TENM4: variants seen among roughly 807,000 people sequenced by gnomAD.
The protein encoded by TENM4 is teneurin-4.
A neutral mutation model predicts 243.3 loss-of-function variants in TENM4; 82 were observed. The observed-to-expected ratio is 0.34, with a 90% confidence interval of 0.28 to 0.40. The LOEUF (loss-of-function observed/expected upper bound fraction) is 0.40, where lower values mean the gene tolerates loss of function less well. Among genes scored for constraint, TENM4 ranks in the 10% least tolerant of loss-of-function variants. TENM4 has a pLI of 1.00. For synonymous variants in TENM4, 1,412 were observed against 1,456.3 expected, an observed-to-expected ratio of 0.97 and a Z score of 0.69; for missense variants, 3,138 against 3,673.3, an observed-to-expected ratio of 0.85 and a Z score of 3.77.
At chr11:79,123,832 G>A (rs765404078) in intron 4 of TENM4, among the ~76,000 whole-genome samples, 4 of 152,146 alleles carry the variant, frequency 2.6e-5, no homozygotes, top group African/African-American at 7.2e-5. Context: ...AAATAAGTTT[G>A]GGAAACATGA....
chr11:78,743,959 C>G (rs1362664567), intron 19 of TENM4, among the ~76,000 whole-genome samples: 1 of 152,070 alleles, frequency 6.6e-6, no homozygotes, highest in East Asian at 1.9e-4. Context: ...TAGTCTATGC[C>G]ATTATTGATT....
At chr11:78,928,100 A>C (rs1260942426) in intron 6 of TENM4, among the ~76,000 whole-genome samples, 2 of 152,132 alleles carry the variant, frequency 1.3e-5, no homozygotes, top group East Asian at 1.9e-4. Flanking sequence ...GCTGTCACCA[A>C]CACCACCACC....
At chr11:79,061,724 G>A (rs1175256807) in intron 6 of TENM4, among the ~76,000 whole-genome samples, 1 of 152,130 alleles carries the variant, frequency 6.6e-6, no homozygotes, top group South Asian at 2.1e-4. Flanking sequence ...GCTACAGAGG[G>A]AACTCACTGT....
chr11:78,906,410 G>A (rs1297700186), intron 6 of TENM4, among the ~76,000 whole-genome samples: 1 of 152,200 alleles, frequency 6.6e-6, no homozygotes, highest in Non-Finnish European at 1.5e-5. Flanking sequence ...GAAGACAGTA[G>A]CATCTGATGT....
chr11:78,673,768 G>T (rs1858394822), intron 30 of TENM4, among the ~76,000 whole-genome samples: 1 of 152,230 alleles, frequency 6.6e-6, no homozygotes, highest in Non-Finnish European at 1.5e-5. Context: ...TCCCAGGAAG[G>T]AGAGATGTGT....
intron 6 of TENM4, among the ~76,000 whole-genome samples, chr11:78,943,891 A>G (rs1479407236): frequency 2.6e-5 from 4 of 152,224 alleles, no homozygotes; most frequent in Admixed American, 2.0e-4. Flanking sequence ...CTGTTTGGGT[A>G]TAGCCTTTTG....
chr11:78,805,778 T>C (rs1857376461), intron 14 of TENM4, among the ~76,000 whole-genome samples: 1 of 152,202 alleles, frequency 6.6e-6, no homozygotes, highest in Non-Finnish European at 1.5e-5. Flanking sequence ...TTCATTCACT[T>C]CTGAATCTCC....
At chr11:79,412,770 C>A (rs1024085432) in intron 1 of TENM4, among the ~76,000 whole-genome samples, 2 of 152,216 alleles carry the variant, frequency 1.3e-5, no homozygotes, top group African/African-American at 2.4e-5. Context: ...TTCGTGCATG[C>A]ATCCATTCAT....
chr11:79,175,171 G>A (rs1237879875), intron 3 of TENM4, among the ~76,000 whole-genome samples: 2 of 152,142 alleles, frequency 1.3e-5, no homozygotes, highest in South Asian at 2.1e-4. Flanking sequence ...TTTTTTAGAG[G>A]TTAATTTGCC....
chr11:78,826,300 T>G (rs1160659178), intron 12 of TENM4, among the ~76,000 whole-genome samples: 3 of 152,090 alleles, frequency 2.0e-5, no homozygotes, highest in African/African-American at 7.2e-5. Flanking sequence ...TTGGTCAGGC[T>G]GGTCTTGAAC....
At chr11:79,332,645 C>A (rs2135447035) in intron 1 of TENM4, among the ~76,000 whole-genome samples, 1 of 152,278 alleles carries the variant, frequency 6.6e-6, no homozygotes, top group South Asian at 2.1e-4. Flanking sequence ...GTTTGGATAT[C>A]CAATGTTGTT....
chr11:78,688,304 C>A (rs1858736311), intron 28 of TENM4, 78 bp from the exon 29 acceptor site: 2 of 1,486,754 alleles, frequency 1.3e-6, no homozygotes, highest in East Asian at 2.3e-5. Flanking sequence ...CTACCTCATG[C>A]CATGGTTTTG....
At chr11:79,004,776 T>A (rs911160032) in intron 6 of TENM4, among the ~76,000 whole-genome samples, 1 of 151,822 alleles carries the variant, frequency 6.6e-6, no homozygotes, top group African/African-American at 2.4e-5. Flanking sequence ...GAAATTGAGA[T>A]GCAAAAAACC....
At chr11:78,990,378 C>T (rs1175807821) in intron 6 of TENM4, among the ~76,000 whole-genome samples, 1 of 152,110 alleles carries the variant, frequency 6.6e-6, no homozygotes, top group South Asian at 2.1e-4. Context: ...CCTCAAATTC[C>T]CACTGAGAAC....
chr11:79,300,806 G>A (rs1326239437), intron 1 of TENM4, among the ~76,000 whole-genome samples: 2 of 152,066 alleles, frequency 1.3e-5, no homozygotes, highest in Admixed American at 6.6e-5. Flanking sequence ...CTGCATAAGG[G>A]TTTGCTATTT....
rs1858597629 is a variant in TENM4, at chr11:79,009,888, G to A, written c.493+54850C>T. Among the ~76,000 whole-genome samples, 3 of 152,116 alleles carry A rather than the reference G, an allele frequency of 2.0e-5. No homozygotes were observed. In the South Asian group the frequency reaches 6.2e-4, roughly 31 times the overall value. On this transcript the variant is annotated intron_variant, in intron 6 of 33. Coordinates refer to ENST00000278550, the MANE Select transcript of TENM4 (RefSeq NM_001098816.3). Reference sequence around the variant, plus strand: ...ATTGTAATGATCCCCACATGTCATGGGAGGGACCCTGTGGGAGGTAATTCA... The same window carrying A: ...ATTGTAATGATCCCCACATGTCATGAGAGGGACCCTGTGGGAGGTAATTCA...
At position 78,756,869 on chromosome 11, in the gene TENM4, T is replaced by C. The variant is rs1856320730; in HGVS notation, c.2692A>G (p.Ile898Val). The C allele has an allele frequency of 3.1e-6, 5 of 1,613,928 alleles. No individual in the cohort carries two copies. Among genetic ancestry groups the C allele is most frequent in the Non-Finnish European group, 4.2e-6 (5 of 1,179,870 alleles). ...QQNLHSFYDR[I>V]KFLVGRDSTH... ...CTGTCCCTGCCCACGAGGAACTTGA[T>C]GCGGTCATAGAAGGAGTGTAGGTTC... Residue 898 changes from isoleucine to valine, a missense_variant, in exon 19 of 34, where the codon ATC becomes GTC. Physicochemically the swap from Ile to Val is conservative, Grantham distance 29. Around this residue, in one of 2 missense-constraint regions of TENM4, gnomAD observed 2,467 missense variants for 3,059.1 expected, o/e 0.81. Coordinates refer to ENST00000278550, the MANE Select transcript of TENM4 (RefSeq NM_001098816.3).
intron 4 of TENM4, among the ~76,000 whole-genome samples, chr11:79,094,312 C>T (rs1250298347): frequency 6.6e-6 from 1 of 152,114 alleles, no homozygotes; most frequent in Admixed American, 6.5e-5. Context: ...GCCCATTTAT[C>T]CCTCACAGCA....
intron 4 of TENM4, among the ~76,000 whole-genome samples, chr11:79,118,149 G>A (rs1861659329): frequency 6.6e-6 from 1 of 152,136 alleles, no homozygotes; most frequent in South Asian, 2.1e-4. Context: ...CTAAGCAATA[G>A]GCATGAGACC....
Sources: allele counts gnomAD v4.1 joint callset (sites outside exome capture counted in the v4.1 genomes callset), GRCh38; gene constraint gnomAD v4.1.1; regional missense constraint gnomAD v4.1.1; transcripts MANE v1.5; gene names NCBI Gene and HGNC (gene_info 2026-07-23, HGNC 2026-07-21).